Variants in LRRC4C observed in about 807,000 individuals in gnomAD.
LRRC4C encodes the protein leucine-rich repeat-containing protein 4C.
Under a neutral mutation model 33.6 loss-of-function variants are expected in LRRC4C, and 5 were observed. That is an observed-to-expected ratio of 0.15 (90% CI 0.08 to 0.31). LRRC4C has a LOEUF of 0.31. Among genes scored for constraint, LRRC4C ranks in the 10% least tolerant of loss-of-function variants. LRRC4C has a pLI of 1.00. For missense variants in LRRC4C, 560 were observed against 796.7 expected (o/e 0.70, Z 3.58); for synonymous variants, 329 against 302.0 (o/e 1.09, Z -0.93).
At chr11:40,159,832 CA>C (rs1859011151) in intron 5 of LRRC4C, among the ~76,000 whole-genome samples, 1 of 152,126 alleles carries the variant, frequency 6.6e-6, no homozygotes, top group South Asian at 2.1e-4. Context: ...TGCCTGCTAT[CA>C]AAATAATGGA....
At position 41,034,969 on chromosome 11, in the gene LRRC4C, TTGTTA is replaced by T. The variant is rs1590309417; in HGVS notation, c.-495-101251_-495-101247del. ...TTTATTTACTTTATTTTATTTTTTG[TTGTTA>T]TGTTATTTTGTTTTTATTTTTATTT... is the stretch of plus-strand genomic sequence containing the variant. On this transcript the variant is annotated intron_variant, in intron 1 of 6. Coordinates refer to ENST00000528697, the MANE Select transcript of LRRC4C (RefSeq NM_001258419.2). Among the ~76,000 whole-genome samples the T allele has an allele frequency of 4.6e-5, 7 of 150,718 alleles. No homozygotes were observed. In the East Asian group the frequency reaches 1.4e-3, roughly 29 times the overall value.
chr11:41,093,625 A>C (rs186613151), intron 1 of LRRC4C, among the ~76,000 whole-genome samples: 18 of 151,946 alleles, frequency 1.2e-4, no homozygotes, highest in Admixed American at 1.2e-3. Context: ...CACTGTCCAC[A>C]TATCTCTGTG....
intron 5 of LRRC4C, among the ~76,000 whole-genome samples, chr11:40,229,548 C>T (rs903120493): frequency 2.0e-5 from 3 of 152,162 alleles, no homozygotes; most frequent in Admixed American, 1.3e-4. Context: ...GCTGGGATTA[C>T]AGGTGTGAGC....
intron 2 of LRRC4C, among the ~76,000 whole-genome samples, chr11:40,797,525 AC>A (rs1050319561): frequency 2.0e-5 from 3 of 152,308 alleles, no homozygotes; most frequent in South Asian, 2.1e-4. Flanking sequence ...GAAAACAAGA[AC>A]AAAAAGAGAG....
intron 5 of LRRC4C, among the ~76,000 whole-genome samples, chr11:40,143,963 T>TA (rs1426073067): frequency 6.6e-6 from 1 of 151,996 alleles, no homozygotes; most frequent in Admixed American, 6.6e-5. Context: ...GATTACTAAG[T>TA]AGGAAGGAGA....
chr11:41,011,772 T>C (rs1855202546), intron 1 of LRRC4C, among the ~76,000 whole-genome samples: 1 of 141,830 alleles, frequency 7.1e-6, no homozygotes, highest in Non-Finnish European at 1.5e-5. Flanking sequence ...CATTAATTCC[T>C]GAAAATCTCT....
intron 3 of LRRC4C, among the ~76,000 whole-genome samples, chr11:40,420,877 T>C (rs77902989): frequency 0.015 from 2,215 of 152,350 alleles, 44 homozygotes; most frequent in African/African-American, 0.05. Flanking sequence ...TGATAAGAAC[T>C]ATTAACATGT....
chr11:40,788,775 G>A (rs531284462), intron 2 of LRRC4C, among the ~76,000 whole-genome samples: 2 of 152,192 alleles, frequency 1.3e-5, no homozygotes, highest in African/African-American at 4.8e-5. Context: ...AAAGGCATCT[G>A]AGAGGGGACT....
chr11:40,923,552 C>G (rs1957280685), intron 2 of LRRC4C, among the ~76,000 whole-genome samples: 1 of 152,100 alleles, frequency 6.6e-6, no homozygotes, highest in African/African-American at 2.4e-5. Context: ...AAAGATGAAA[C>G]CTCCCTCAGC....
chr11:41,073,333 G>GTT (rs36092820), intron 1 of LRRC4C, among the ~76,000 whole-genome samples: 4 of 151,728 alleles, frequency 2.6e-5, no homozygotes, highest in Admixed American at 2.6e-4. Context: ...AAAGTGAGGG[G>GTT]TTTTTTTAAC....
chr11:40,964,142 G>T (rs773265236), intron 1 of LRRC4C, among the ~76,000 whole-genome samples: 8 of 151,408 alleles, frequency 5.3e-5, no homozygotes, highest in African/African-American at 9.7e-5. Flanking sequence ...CTCATAGAAA[G>T]GTTGTGAGGA....
chr11:40,384,500 A>G (rs1281494272), intron 3 of LRRC4C, among the ~76,000 whole-genome samples: 2 of 152,194 alleles, frequency 1.3e-5, no homozygotes, highest in Non-Finnish European at 2.9e-5. Flanking sequence ...TTTGCAAGTC[A>G]TGTACCTAAC....
intron 2 of LRRC4C, among the ~76,000 whole-genome samples, chr11:40,784,588 C>T (rs1452523903): frequency 6.6e-6 from 1 of 152,194 alleles, no homozygotes; most frequent in Non-Finnish European, 1.5e-5. Context: ...ACAAACACCC[C>T]TATTTTGTAT....
At chr11:40,869,736 G>A (rs567359737) in intron 2 of LRRC4C, among the ~76,000 whole-genome samples, 2 of 152,240 alleles carry the variant, frequency 1.3e-5, no homozygotes, top group Non-Finnish European at 2.9e-5. Context: ...GAGAAGGGAC[G>A]CAAGAACCTG....
At chr11:40,196,087 G>C (rs1862239777) in intron 5 of LRRC4C, among the ~76,000 whole-genome samples, 1 of 152,168 alleles carries the variant, frequency 6.6e-6, no homozygotes, top group Non-Finnish European at 1.5e-5. Context: ...TAACCTAAGA[G>C]GTTCAGAATA....
intron 1 of LRRC4C, among the ~76,000 whole-genome samples, chr11:40,943,520 G>C (rs944167192): frequency 3.9e-5 from 6 of 152,200 alleles, no homozygotes; most frequent in Non-Finnish European, 5.9e-5. Context: ...CTTTAAAGCA[G>C]AGTAAGGGAT....
chr11:40,672,115 T>C (rs181536098), intron 2 of LRRC4C, among the ~76,000 whole-genome samples: 229 of 152,264 alleles, frequency 1.5e-3, no homozygotes, highest in African/African-American at 5.3e-3. Context: ...ACTACAGAAA[T>C]TGATTTCTCA....
intron 3 of LRRC4C, among the ~76,000 whole-genome samples, chr11:40,442,969 A>T (rs906198556): frequency 6.6e-6 from 1 of 152,208 alleles, no homozygotes; most frequent in Non-Finnish European, 1.5e-5. Flanking sequence ...ATGTAAATGT[A>T]GGAGATAAGT....
chr11:41,338,589 T>A (rs571837238), intron 1 of LRRC4C, among the ~76,000 whole-genome samples: 2 of 151,902 alleles, frequency 1.3e-5, no homozygotes, highest in Admixed American at 6.6e-5. Flanking sequence ...CTAACACATA[T>A]GGTGCTTAAA....
Sources: gnomAD v4.1 joint callset for allele counts (sites outside exome capture counted in the v4.1 genomes callset) on GRCh38, gnomAD v4.1.1 for gene constraint, MANE v1.5 for transcripts, NCBI Gene and HGNC (gene_info 2026-07-23, HGNC 2026-07-21) for gene names.